The following TNFSF4 variants were observed in gnomAD, a reference collection of about 807,000 sequenced individuals.
TNFSF4 encodes tumor necrosis factor ligand superfamily member 4.
A neutral mutation model predicts 7.3 loss-of-function variants in TNFSF4; 4 were observed. The observed-to-expected ratio is 0.55, with a 90% CI of 0.27 to 1.25. The LOEUF (loss-of-function observed/expected upper bound fraction) is 1.25. Among genes scored for constraint, TNFSF4 ranks in the 50% most tolerant of loss-of-function variants. The pLI is 0.12. For synonymous variants in TNFSF4, 76 were observed against 83.7 expected (o/e 0.91, Z 0.50); for missense variants, 181 against 208.8 (o/e 0.87, Z 0.82).
the TNFSF4 span, among the ~76,000 whole-genome samples, chr1:173,317,472 G>A: frequency 2.0e-5 from 3 of 152,178 alleles, no homozygotes; most frequent in African/African-American, 4.8e-5. Flanking sequence ...TACATGTAAC[G>A]ATGGTCCTTC....
At chr1:173,394,987 CATAGATAGATAGATAGATAG>C in the TNFSF4 span, among the ~76,000 whole-genome samples, 22 of 126,976 alleles carry the variant, frequency 1.7e-4, no homozygotes, top group African/African-American at 6.0e-4. Context: ...ATAGAGGACA[CATAGATAGATAGATAGATAG>C]ATAGATAGAT....
At chr1:173,365,590 C>T in the TNFSF4 span, among the ~76,000 whole-genome samples, 11 of 152,240 alleles carry the variant, frequency 7.2e-5, 1 homozygote, top group South Asian at 2.1e-3. Flanking sequence ...TCATCAGTGT[C>T]CTCATTGTAG....
intron 1 of TNFSF4, among the ~76,000 whole-genome samples, chr1:173,196,699 A>G (rs140685475): frequency 4.5e-4 from 69 of 152,360 alleles, no homozygotes; most frequent in African/African-American, 1.6e-3. Context: ...AAAAGTATCC[A>G]TGTGACATGA....
chr1:173,323,521 T>A, the TNFSF4 span, among the ~76,000 whole-genome samples: 1 of 152,176 alleles, frequency 6.6e-6, no homozygotes, highest in East Asian at 1.9e-4. Flanking sequence ...GAGAATGACT[T>A]TGACGAGTTG....
At chr1:173,398,282 A>C in the TNFSF4 span, among the ~76,000 whole-genome samples, 1 of 152,126 alleles carries the variant, frequency 6.6e-6, no homozygotes, top group Admixed American at 6.5e-5. Context: ...GATCCATTAC[A>C]TTGAGGACCT....
the TNFSF4 span, among the ~76,000 whole-genome samples, chr1:173,364,180 T>C: frequency 6.6e-6 from 1 of 150,420 alleles, no homozygotes; most frequent in Non-Finnish European, 1.5e-5. Flanking sequence ...AGGGGATTAA[T>C]TTAATTATAC....
At chr1:173,231,636 A>G in the TNFSF4 span, among the ~76,000 whole-genome samples, 12 of 152,096 alleles carry the variant, frequency 7.9e-5, no homozygotes, top group Non-Finnish European at 1.6e-4. Context: ...AATTTTATTT[A>G]TTTGGAATAT....
At chr1:173,318,640 G>A in the TNFSF4 span, among the ~76,000 whole-genome samples, 1 of 152,128 alleles carries the variant, frequency 6.6e-6, no homozygotes, top group Non-Finnish European at 1.5e-5. Context: ...ACTTTAATGG[G>A]AATACCTAGT....
At chr1:173,335,534 C>T in the TNFSF4 span, among the ~76,000 whole-genome samples, 2 of 152,108 alleles carry the variant, frequency 1.3e-5, no homozygotes, top group African/African-American at 2.4e-5. Flanking sequence ...AGAGTCAAGG[C>T]GGCAGTCAGG....
At chr1:173,398,537 G>A in the TNFSF4 span, among the ~76,000 whole-genome samples, 1 of 148,564 alleles carries the variant, frequency 6.7e-6, no homozygotes, top group Non-Finnish European at 1.5e-5. Flanking sequence ...CCATTCTCCT[G>A]CCTCAGCCTC....
intron 1 of TNFSF4, among the ~76,000 whole-genome samples, chr1:173,191,893 T>A (rs112413643): frequency 2.0e-5 from 3 of 152,196 alleles, no homozygotes; most frequent in African/African-American, 7.2e-5. Context: ...TTTAAAAATG[T>A]AGGCCAGATG....
chr1:173,447,489 TAG>T, the TNFSF4 span, among the ~76,000 whole-genome samples: 19 of 152,244 alleles, frequency 1.2e-4, no homozygotes, highest in African/African-American at 3.9e-4. Context: ...TGTGTAGGGG[TAG>T]AGGGCATATG....
At chr1:173,371,752 T>C in the TNFSF4 span, among the ~76,000 whole-genome samples, 3 of 152,194 alleles carry the variant, frequency 2.0e-5, no homozygotes, top group African/African-American at 7.2e-5. Context: ...TATACCCTGC[T>C]TTCTCAAATA....
At chr1:173,348,443 T>A in the TNFSF4 span, among the ~76,000 whole-genome samples, 1 of 152,104 alleles carries the variant, frequency 6.6e-6, no homozygotes, top group African/African-American at 2.4e-5. Context: ...AATTGCCCAA[T>A]CTCAGGTATG....
the TNFSF4 span, among the ~76,000 whole-genome samples, chr1:173,299,383 C>T: frequency 2.0e-3 from 308 of 151,980 alleles, no homozygotes; most frequent in African/African-American, 5.3e-3. Flanking sequence ...AGTTCCCTTG[C>T]CCCAAGGTGT....
the TNFSF4 span, among the ~76,000 whole-genome samples, chr1:173,389,313 T>G: frequency 6.6e-6 from 1 of 152,188 alleles, no homozygotes; most frequent in Admixed American, 6.5e-5. Context: ...AAATTTCATT[T>G]TTAACTTTTC....
the TNFSF4 span, among the ~76,000 whole-genome samples, chr1:173,414,526 T>G: frequency 6.6e-6 from 1 of 152,236 alleles, no homozygotes; most frequent in African/African-American, 2.4e-5. Context: ...GAGGTTAAAG[T>G]TCTTGTCCAA....
the TNFSF4 span, among the ~76,000 whole-genome samples, chr1:173,229,291 G>C: frequency 6.6e-6 from 1 of 152,226 alleles, no homozygotes; most frequent in Non-Finnish European, 1.5e-5. Flanking sequence ...CATTCTTAAA[G>C]AAAGGAATTT....
At chr1:173,345,455 A>C in the TNFSF4 span, among the ~76,000 whole-genome samples, 9 of 152,220 alleles carry the variant, frequency 5.9e-5, no homozygotes, top group Non-Finnish European at 1.2e-4. Context: ...TGAAAACAAC[A>C]ATGAGTGGAG....
Sources: allele counts gnomAD v4.1 joint callset (sites outside exome capture counted in the v4.1 genomes callset), GRCh38; gene constraint gnomAD v4.1.1; transcripts MANE v1.5; gene names NCBI Gene and HGNC (gene_info 2026-07-23, HGNC 2026-07-21).